Variants in CXXC4 observed in about 807,000 individuals in gnomAD.
CXXC4 encodes the protein CXXC finger protein 4.
In CXXC4, 5 loss-of-function variants were observed where a neutral mutation model predicts 20.5. The ratio of observed to expected loss-of-function variants is 0.24; its 90% CI spans 0.13 to 0.51. The LOEUF (loss-of-function observed/expected upper bound fraction) is 0.51. CXXC4 is among the 20% of genes least tolerant of loss of function. The pLI, the probability that CXXC4 is intolerant of heterozygous loss-of-function variation, is 0.97. For synonymous variants in CXXC4, 250 were observed against 216.4 expected (o/e 1.16, Z -1.36); for missense variants, 419 against 496.4 (o/e 0.84, Z 1.48).
Position 104,490,879 on chromosome 4 carries a change from A to G in CXXC4, c.924T>C (p.Cys308=). 1 of 1,614,108 alleles carries G rather than the reference A, an allele frequency of 6.2e-7. No homozygotes were observed. ...ANPAKKKRKR[C]GVCVPCKRLI... ...GCCTCTTGCAGGGCACGCAGACCCC[A>G]CACCTTTTCCTCTTCTTCTTGGCTG... The change falls in exon 2 of 3, where the codon TGT becomes TGC. Residue 308 remains cysteine (C), a synonymous_variant. Transcript: ENST00000394767.
intron 2 of CXXC4, among the ~76,000 whole-genome samples, chr4:104,486,401 T>C (rs1460425629): frequency 6.6e-6 from 1 of 152,108 alleles, no homozygotes; most frequent in Non-Finnish European, 1.5e-5. Flanking sequence ...TTTGTGGCTT[T>C]AGTCAAAGAT....
Position 104,491,099 on chromosome 4 carries a change from G to C in CXXC4, c.704C>G (p.Thr235Ser), listed in dbSNP as rs1389270417. Reference sequence around the variant, plus strand: ...CCCTAAAGCCGGGATAGCGGAAAAAGTCCCCACGCGCTCGGGGAGATTCAT... The same window carrying C: ...CCCTAAAGCCGGGATAGCGGAAAAACTCCCCACGCGCTCGGGGAGATTCAT... The part of the protein sequence containing the change: ...EIMNLPERVG[T>S]FSAIPALGGI... Residue 235 changes from threonine (T) to serine (S), a missense_variant, in exon 2 of 3, where the codon ACT becomes AGT. Around this residue, in one of 3 missense-constraint regions of CXXC4, gnomAD observed 388 missense variants for 416.0 expected, o/e 0.93. Transcript: ENST00000394767. 3.1e-6 allele frequency: 5 copies of C among 1,614,014 alleles called. No individual in the cohort carries two copies. The highest frequency in any genetic ancestry group is 4.2e-6 in the Non-Finnish European group (5 of 1,180,046).
At chr4:104,483,785 AAC>A (rs969241417) in intron 2 of CXXC4, among the ~76,000 whole-genome samples, 10 of 151,830 alleles carry the variant, frequency 6.6e-5, no homozygotes, top group Admixed American at 3.3e-4. Context: ...GTGAAACATA[AAC>A]ACACACACAC....
At chr4:104,479,056 T>C (rs191468243) in intron 2 of CXXC4, among the ~76,000 whole-genome samples, 20 of 152,220 alleles carry the variant, frequency 1.3e-4, no homozygotes, top group Middle Eastern at 3.4e-3. Flanking sequence ...GTAATTCCCA[T>C]TGAATGCAAC....
At chr4:104,480,116 T>G (rs1412945817) in intron 2 of CXXC4, among the ~76,000 whole-genome samples, 1 of 152,136 alleles carries the variant, frequency 6.6e-6, no homozygotes, top group East Asian at 1.9e-4. Flanking sequence ...CTAGAACAAA[T>G]TCTCAAGTAT....
intron 2 of CXXC4, among the ~76,000 whole-genome samples, chr4:104,483,563 C>A (rs1191972681): frequency 6.6e-6 from 1 of 151,820 alleles, no homozygotes; most frequent in Admixed American, 6.6e-5. Context: ...TGCATATCTA[C>A]CTGTTTTATT....
intron 2 of CXXC4, among the ~76,000 whole-genome samples, chr4:104,472,969 G>C (rs1360533714): frequency 2.0e-5 from 3 of 151,790 alleles, no homozygotes; most frequent in Non-Finnish European, 4.4e-5. Flanking sequence ...GACTATGATT[G>C]AATTACTCTG....
intron 2 of CXXC4, among the ~76,000 whole-genome samples, chr4:104,479,580 C>T (rs1560540042): frequency 6.6e-6 from 1 of 152,116 alleles, no homozygotes; most frequent in Non-Finnish European, 1.5e-5. Context: ...AAATTCACAG[C>T]ATGTTTTATG....
At chr4:104,488,479 T>G (rs551440483) in intron 2 of CXXC4, among the ~76,000 whole-genome samples, 4 of 152,338 alleles carry the variant, frequency 2.6e-5, no homozygotes, top group African/African-American at 9.6e-5. Flanking sequence ...AAGCTTTTTA[T>G]TTCTTTTAGC....
intron 1 of CXXC4, 142 bp from the exon 2 acceptor site, chr4:104,492,201 A>ACCCCCCCCCCCCCCCCCCCC (rs1162003749): frequency 9.1e-6 from 1 of 109,506 alleles, no homozygotes; most frequent in Admixed American, 9.0e-5. Flanking sequence ...TCAAGACGTG[A>ACCCCCCCCCCCCCCCCCCCC]CCCCCCCCAG....
chr4:104,472,796 T>C (rs915666111), intron 2 of CXXC4, among the ~76,000 whole-genome samples: 1 of 151,928 alleles, frequency 6.6e-6, no homozygotes, highest in Admixed American at 6.6e-5. Flanking sequence ...AATCACATAA[T>C]GAAGAAAGAA....
chr4:104,490,649 T>C, intron 2 of CXXC4, 95 bp downstream of exon 2: 1 of 1,116,604 alleles, frequency 9.0e-7, no homozygotes, highest in South Asian at 1.5e-5. Flanking sequence ...TGAGAAGGGG[T>C]ACTGCATCTT....
chr4:104,490,604 A>G, intron 2 of CXXC4, 140 bp downstream of exon 2: 1 of 801,386 alleles, frequency 1.2e-6, no homozygotes, highest in Non-Finnish European at 2.0e-6. Flanking sequence ...CCTTTCGCAA[A>G]CCACCTACAA....
intron 2 of CXXC4, among the ~76,000 whole-genome samples, chr4:104,480,620 G>GA (rs34786106): frequency 7.1e-4 from 104 of 146,338 alleles, no homozygotes; most frequent in South Asian, 1.3e-3. Context: ...ATGGTAAATG[G>GA]AAAAAAAAAA....
At chr4:104,490,373 T>C (rs1022240351) in intron 2 of CXXC4, among the ~76,000 whole-genome samples, 3 of 152,258 alleles carry the variant, frequency 2.0e-5, no homozygotes, top group African/African-American at 7.2e-5. Context: ...TTGTATAGGA[T>C]GTGATGTGTC....
intron 2 of CXXC4, among the ~76,000 whole-genome samples, chr4:104,474,234 T>C (rs1340490276): frequency 6.6e-6 from 1 of 152,006 alleles, no homozygotes; most frequent in Admixed American, 6.6e-5. Context: ...TAACCTGTTA[T>C]AAGATGGTTT....
Position 104,491,007 on chromosome 4 carries a change from C to A in CXXC4, c.796G>T (p.Ala266Ser), listed in dbSNP as rs1382627301. The change falls in exon 2 of 3, where the codon GCC becomes TCC. Residue 266 changes from alanine (A) to serine (S), a missense_variant. Ala to Ser is a moderately conservative substitution (Grantham distance 99, BLOSUM62 1). Around this residue, in one of 3 missense-constraint regions of CXXC4, gnomAD observed 388 missense variants for 416.0 expected, o/e 0.93. Transcript: ENST00000394767. Reference protein sequence around the residue: ...ALHSPAAASAAVTDSAFQIAN... With the variant: ...ALHSPAAASASVTDSAFQIAN... The stretch of plus-strand genomic sequence containing the variant: ...ATTTGAAACGCACTGTCTGTGACGG[C>A]TGCTGAGGCTGCTGCGGGGGAGTGA... The A allele has an allele frequency of 1.2e-6, 2 of 1,613,912 alleles. No individual in the cohort carries two copies. Among genetic ancestry groups the A allele is most frequent in the East Asian group, 2.2e-5 (1 of 44,820 alleles).
Position 104,491,296 on chromosome 4 carries a change from G to C in CXXC4, c.507C>G (p.Ser169Arg). 6.3e-7 allele frequency: 1 copy of C among 1,588,498 alleles called. No individual in the cohort carries two copies. The highest frequency in any genetic ancestry group is 8.6e-7 in the Non-Finnish European group (1 of 1,169,440). Residue 169 changes from serine to arginine, a missense_variant, in exon 2 of 3, where the codon AGC (serine) becomes AGG (arginine). By Grantham distance (110) the Ser-to-Arg change is moderately radical (BLOSUM62 -1). This residue lies in a region of CXXC4 where 388 missense variants were observed against 416.0 expected (regional missense o/e 0.93). Coordinates refer to ENST00000394767, the MANE Select transcript of CXXC4 (RefSeq NM_025212.4). ...TCTGGGAGTCGTTTCGGTGGTGCAT[G>C]CTGGTCCTGCTGCCGCCGCCGCCGC... Reference protein sequence around the residue: ...GGGGGGGSRTSMHHRNDSQRL... With the variant: ...GGGGGGGSRTRMHHRNDSQRL...
rs1310542004 is a variant in CXXC4 at position 104,491,415 on chromosome 4, C to T, written c.388G>A (p.Gly130Ser). ...GGGGGGGGGGGGGGGRKSSSA... is the reference protein window; with the variant it reads ...GGGGGGGGGGSGGGGRKSSSA... Reference sequence around the variant, plus strand: ...GAGGATTTCCTGCCGCCCCCACCACCCCCGCCCCCGCCTCCGCCGCCGCCG... The same window carrying T: ...GAGGATTTCCTGCCGCCCCCACCACTCCCGCCCCCGCCTCCGCCGCCGCCG... The change falls in exon 2 of 3, where the codon GGT (glycine) becomes AGT (serine). Residue 130 changes from glycine (G) to serine (S), a missense_variant. Around this residue, in one of 3 missense-constraint regions of CXXC4, gnomAD observed 388 missense variants for 416.0 expected, o/e 0.93. Coordinates refer to ENST00000394767, the MANE Select transcript of CXXC4 (RefSeq NM_025212.4). The T allele has an allele frequency of 3.8e-6, 4 of 1,045,930 alleles. No individual in the cohort carries two copies. Among genetic ancestry groups the T allele is most frequent in the Non-Finnish European group, 2.4e-6 (2 of 829,738 alleles). The allele number at this position is 1,045,930 out of a possible 1,614,324, so 64.8% of individuals were successfully genotyped here. A position where few individuals can be genotyped will look rare whatever the true frequency, so the allele number is the denominator to read the frequency against.
Sources: allele counts gnomAD v4.1 joint callset (sites outside exome capture counted in the v4.1 genomes callset), GRCh38; gene constraint gnomAD v4.1.1; regional missense constraint gnomAD v4.1.1; transcripts MANE v1.5; gene names NCBI Gene and HGNC (gene_info 2026-07-23, HGNC 2026-07-21).